The following DLGAP2 variants were observed in gnomAD, a reference collection of about 807,000 sequenced individuals.
DLGAP2 encodes DLG associated protein 2, also known as disks large-associated protein 2.
Under a neutral mutation model 100.3 loss-of-function variants are expected in DLGAP2, and 26 were observed. That is an observed-to-expected ratio of 0.26 (90% confidence interval 0.19 to 0.36). The LOEUF is 0.36. DLGAP2 is among the 10% of genes least tolerant of loss of function. The pLI, the probability that DLGAP2 is intolerant of heterozygous loss-of-function variation, is 1.00. For synonymous variants in DLGAP2, 886 were observed against 630.1 expected (o/e 1.41, Z -6.08); for missense variants, 1,858 against 1,453.2 (o/e 1.28, Z -4.53).
intron 6 of DLGAP2, among the ~76,000 whole-genome samples, chr8:1,583,595 A>T (rs949363628): frequency 1.3e-5 from 2 of 152,002 alleles, no homozygotes; most frequent in African/African-American, 4.8e-5. Context: ...AAGATGAAAG[A>T]CCCTTCAGAG....
At chr8:1,224,088 C>T (rs757772516) in intron 2 of DLGAP2, among the ~76,000 whole-genome samples, 7 of 152,156 alleles carry the variant, frequency 4.6e-5, no homozygotes, top group African/African-American at 1.4e-4. Flanking sequence ...TTTGTGGCAT[C>T]GTGGCAGACA....
chr8:1,645,408 A>T (rs56010696), intron 8 of DLGAP2, among the ~76,000 whole-genome samples: 12,160 of 152,274 alleles, frequency 0.08, 1,383 homozygotes, highest in African/African-American at 0.25. Context: ...TGAGCTTATT[A>T]GGAGTAGGCT....
At chr8:1,420,247 G>A (rs923013437) in intron 3 of DLGAP2, among the ~76,000 whole-genome samples, 4 of 152,150 alleles carry the variant, frequency 2.6e-5, no homozygotes, top group Non-Finnish European at 4.4e-5. Context: ...TGGTTGAAGG[G>A]CTGGCTGGGA....
At chr8:1,170,255 C>T (rs1797101013) in intron 2 of DLGAP2, among the ~76,000 whole-genome samples, 1 of 152,160 alleles carries the variant, frequency 6.6e-6, no homozygotes, top group South Asian at 2.1e-4. Flanking sequence ...GCTGGATAAG[C>T]TTTTTGATGT....
At chr8:1,143,730 C>T (rs983571377) in intron 2 of DLGAP2, among the ~76,000 whole-genome samples, 4 of 152,182 alleles carry the variant, frequency 2.6e-5, no homozygotes, top group Non-Finnish European at 4.4e-5. Context: ...GTGCCCTCAC[C>T]TTGTTCTCTG....
intron 1 of DLGAP2, among the ~76,000 whole-genome samples, chr8:897,207 C>A (rs538627406): frequency 2.0e-5 from 3 of 152,178 alleles, no homozygotes; most frequent in African/African-American, 7.2e-5. Flanking sequence ...CGCACTCAAT[C>A]CCTTATTTCA....
intron 2 of DLGAP2, among the ~76,000 whole-genome samples, chr8:1,246,435 C>T (rs1337588885): frequency 6.6e-6 from 1 of 152,218 alleles, no homozygotes; most frequent in African/African-American, 2.4e-5. Context: ...CTGCTGAGAG[C>T]ACAGGGACCT....
rs554988292 is a variant in DLGAP2 at position 1,277,276 on chromosome 8, C to T, written c.106+18393C>T. ...CTGAAGTGGCAGACGTATATCTGTG[C>T]CTATGTAGCCCCCCCAGTTATTTGG... On this transcript the variant is annotated intron_variant, in intron 3 of 14. Coordinates refer to ENST00000637795, the MANE Select transcript of DLGAP2 (RefSeq NM_001346810.2). 7.9e-5 allele frequency among the ~76,000 whole-genome samples: 12 copies of T among 152,260 alleles called. No homozygotes were observed. The South Asian group carries it at 2.1e-3, about 26-fold the overall frequency.
intron 4 of DLGAP2, among the ~76,000 whole-genome samples, chr8:1,527,101 G>A (rs1377656047): frequency 6.6e-5 from 10 of 152,106 alleles, no homozygotes; most frequent in African/African-American, 2.4e-4. Flanking sequence ...CGTTACCACA[G>A]CTTCACATCG....
At chr8:1,507,288 G>C (rs992028000) in intron 4 of DLGAP2, among the ~76,000 whole-genome samples, 14 of 152,228 alleles carry the variant, frequency 9.2e-5, no homozygotes, top group African/African-American at 3.1e-4. Flanking sequence ...TGCAGGTCCC[G>C]AGCCCTGTCC....
Position 1,405,393 on chromosome 8 carries a change from C to CGG in DLGAP2, c.107-95973_107-95972insGG, listed in dbSNP as rs1796556563. Among the ~76,000 whole-genome samples, 6 of 19,294 alleles carry CGG rather than the reference C, an allele frequency of 3.1e-4. 1 individual carries two copies. Among genetic ancestry groups the CGG allele is most frequent in the African/African-American group, 1.1e-3 (6 of 5,560 alleles). 12.7% of individuals were successfully genotyped at this position (19,294 alleles called of 152,430 possible). On this transcript the variant is annotated intron_variant, in intron 3 of 14. Transcript: ENST00000637795. ...TACTGAGCGCCCCCTCCTCGTCCTC[C>CGG]AGAGTCGTGTATTGAGTGCTTACTG...
intron 1 of DLGAP2, among the ~76,000 whole-genome samples, chr8:827,229 A>G (rs1796699183): frequency 6.6e-6 from 1 of 152,194 alleles, no homozygotes; most frequent in African/African-American, 2.4e-5. Flanking sequence ...TACCTAACCT[A>G]TAAAACTTAG....
intron 2 of DLGAP2, among the ~76,000 whole-genome samples, chr8:964,385 G>A (rs1799796637): frequency 6.6e-6 from 1 of 152,202 alleles, no homozygotes; most frequent in Non-Finnish European, 1.5e-5. Context: ...TTGCTGTCCT[G>A]CGTTGAAGAC....
intron 3 of DLGAP2, among the ~76,000 whole-genome samples, chr8:1,330,173 C>T (rs1033315553): frequency 1.3e-5 from 2 of 151,862 alleles, no homozygotes; most frequent in African/African-American, 4.8e-5. Flanking sequence ...AGGTGCTGGC[C>T]GTGGTGCTGA....
intron 4 of DLGAP2, among the ~76,000 whole-genome samples, chr8:1,546,016 T>A (rs548348957): frequency 1.3e-5 from 2 of 152,368 alleles, no homozygotes; most frequent in South Asian, 4.1e-4. Context: ...AAAGTCTGGA[T>A]TACAGCACAT....
chr8:1,061,040 C>T (rs546549005), intron 2 of DLGAP2, among the ~76,000 whole-genome samples: 1 of 152,204 alleles, frequency 6.6e-6, no homozygotes, highest in Admixed American at 6.5e-5. Context: ...GCAGTTCCCC[C>T]ACGTGGGCAG....
In DLGAP2 at chr8:1,352,293, CG is replaced by C. The variant is rs1554449465; in HGVS notation, c.106+93411del. 1.6e-3 allele frequency among the ~76,000 whole-genome samples: 62 copies of C among 39,024 alleles called. 3 individuals carry two copies. Among genetic ancestry groups the C allele is most frequent in the African/African-American group, 4.8e-3 (54 of 11,172 alleles). The allele number at this position is 39,024 out of a possible 152,430, so 25.6% of individuals were successfully genotyped here. On this transcript the variant is annotated intron_variant, in intron 3 of 14. Transcript: ENST00000637795. ...GTGGAAAGGACGTGCGGGTCCTGAG[CG>C]TGTGTGTGGAAAGGCCGTGCGGGTC...
At chr8:876,718 A>G (rs1017817451) in intron 1 of DLGAP2, among the ~76,000 whole-genome samples, 11 of 151,964 alleles carry the variant, frequency 7.2e-5, no homozygotes, top group African/African-American at 2.7e-4. Context: ...TTTTTTGCAT[A>G]TCTTTTTTGC....
intron 2 of DLGAP2, among the ~76,000 whole-genome samples, chr8:967,245 T>A (rs764003040): frequency 6.6e-6 from 1 of 152,212 alleles, no homozygotes; most frequent in African/African-American, 2.4e-5. Context: ...TCTTTCCCCA[T>A]GTTAGTTTTT....
Sources: allele counts gnomAD v4.1 joint callset (sites outside exome capture counted in the v4.1 genomes callset), GRCh38; gene constraint gnomAD v4.1.1; transcripts MANE v1.5; gene names NCBI Gene and HGNC (gene_info 2026-07-23, HGNC 2026-07-21).